The following BCAR3 variants were observed in gnomAD, a reference collection of about 807,000 sequenced individuals.
BCAR3 encodes the protein BCAR3 adaptor protein, NSP family member.
Under a neutral mutation model 80.1 loss-of-function variants are expected in BCAR3, and 37 were observed. The ratio of observed to expected loss-of-function variants is 0.46; its 90% CI spans 0.36 to 0.61. BCAR3 has a LOEUF of 0.61. Among genes scored for constraint, BCAR3 ranks in the 20% least tolerant of loss-of-function variants. The probability of loss-of-function intolerance (pLI) is 0.00; values close to 1 mark genes in which losing one functional copy is unlikely to be tolerated. For synonymous variants in BCAR3, 389 were observed against 418.9 expected (o/e 0.93, Z 0.87); for missense variants, 978 against 1,068.2 (o/e 0.92, Z 1.18).
chr1:93,725,773 T>G (rs1382829837), intron 2 of BCAR3, among the ~76,000 whole-genome samples: 1 of 152,222 alleles, frequency 6.6e-6, no homozygotes, highest in Non-Finnish European at 1.5e-5. Flanking sequence ...GAGTTGATAT[T>G]TGGGTAGAGG....
At position 93,571,739 on chromosome 1, in the gene BCAR3, C is replaced by T; in HGVS notation, c.1905G>A (p.Val635=). The T allele has an allele frequency of 6.2e-7, 1 of 1,614,096 alleles. No homozygotes were observed. Among genetic ancestry groups the T allele is most frequent in the Non-Finnish European group, 8.5e-7 (1 of 1,180,010 alleles). ...ATLSKIIQVA[V]ELKDSMGDLY... ...GGTCCCCCATGGAATCCTTCAGTTC[C>T]ACCGCCACCTGGATGATCTTACTCA... The change falls in exon 9 of 12, where the codon GTG becomes GTA. Residue 635 remains valine, a synonymous_variant. Coordinates refer to ENST00000260502, the MANE Select transcript of BCAR3 (RefSeq NM_003567.4).
At chr1:93,811,105 C>T (rs1653826156) in intron 2 of BCAR3, among the ~76,000 whole-genome samples, 1 of 152,210 alleles carries the variant, frequency 6.6e-6, no homozygotes, top group Admixed American at 6.5e-5. Flanking sequence ...GCAGGAAGTA[C>T]AGCTCGTGAG....
intron 2 of BCAR3, among the ~76,000 whole-genome samples, chr1:93,713,615 C>A (rs1650100212): frequency 6.6e-6 from 1 of 152,174 alleles, no homozygotes; most frequent in African/African-American, 2.4e-5. Flanking sequence ...TAAAAATGAC[C>A]TTTGGCCTGT....
At position 93,769,883 on chromosome 1, in the gene BCAR3, T is replaced by A. The variant is rs1383554415; in HGVS notation, c.-62-63741A>T. ...AGGATGCCCTTAGGAGACCCACTTG[T>A]GGGCCACCAGGAGAGTTACTTGATG... On this transcript the variant is annotated intron_variant, in intron 2 of 13. Coordinates refer to the BCAR3 transcript ENST00000370244. 2.0e-5 allele frequency among the ~76,000 whole-genome samples: 3 copies of A among 152,258 alleles called. No individual in the cohort carries two copies. The East Asian group carries it at 5.8e-4, about 29-fold the overall frequency.
At chr1:93,580,568 A>G (rs545087691) in intron 7 of BCAR3, among the ~76,000 whole-genome samples, 1 of 151,840 alleles carries the variant, frequency 6.6e-6, no homozygotes, top group African/African-American at 2.4e-5. Context: ...TTTCCTTGCC[A>G]TTATTCCCTA....
intron 3 of BCAR3, among the ~76,000 whole-genome samples, chr1:93,623,812 G>A (rs1232982266): frequency 6.6e-6 from 1 of 152,154 alleles, no homozygotes; most frequent in Non-Finnish European, 1.5e-5. Flanking sequence ...CTCTGTTGGA[G>A]ATTATGTGTA....
chr1:93,671,197 G>A (rs1648186542), intron 2 of BCAR3, among the ~76,000 whole-genome samples: 1 of 152,104 alleles, frequency 6.6e-6, no homozygotes, highest in South Asian at 2.1e-4. Flanking sequence ...GTTTCGTCAT[G>A]TTGGCCAGGA....
chr1:93,824,743 T>C (rs1571152878), intron 2 of BCAR3, among the ~76,000 whole-genome samples: 1 of 133,908 alleles, frequency 7.5e-6, no homozygotes, highest in African/African-American at 2.5e-5. Context: ...ATTCCTCAGA[T>C]GACATATTTT....
intron 3 of BCAR3, chr1:93,705,982 C>G (rs1358154788): frequency 6.6e-6 from 1 of 152,260 alleles, no homozygotes; most frequent in Non-Finnish European, 1.5e-5. Flanking sequence ...ACTCCAGGTA[C>G]TGCCCCAGAA....
At chr1:93,698,939 G>A (rs1384371294) in intron 3 of BCAR3, among the ~76,000 whole-genome samples, 2 of 152,216 alleles carry the variant, frequency 1.3e-5, no homozygotes, top group African/African-American at 4.8e-5. Flanking sequence ...CAACACAAGG[G>A]AATCGTGCCT....
At chr1:93,764,941 C>T (rs570429566) in intron 2 of BCAR3, among the ~76,000 whole-genome samples, 1 of 152,134 alleles carries the variant, frequency 6.6e-6, no homozygotes, top group Admixed American at 6.5e-5. Flanking sequence ...CACTGTAGCA[C>T]ACATGTTTGC....
chr1:93,596,565 AGGACTCTGGCCCTCT>A (rs146993941), intron 3 of BCAR3, among the ~76,000 whole-genome samples: 3,839 of 152,322 alleles, frequency 0.025, 163 homozygotes, highest in African/African-American at 0.086. Flanking sequence ...GTGTGAATGG[AGGACTCTGGCCCTCT>A]GGACTATATG....
chr1:93,722,635 T>C (rs1650443543), intron 2 of BCAR3, among the ~76,000 whole-genome samples: 1 of 152,156 alleles, frequency 6.6e-6, no homozygotes, highest in Admixed American at 6.5e-5. Flanking sequence ...TATTACTTTC[T>C]ATATCATAAA....
At chr1:93,697,342 C>A (rs888326942) in intron 3 of BCAR3, among the ~76,000 whole-genome samples, 1 of 152,208 alleles carries the variant, frequency 6.6e-6, no homozygotes, top group Admixed American at 6.5e-5. Flanking sequence ...GGAGGGAGGG[C>A]GTAGCCCACT....
chr1:93,678,704 G>A (rs1236003094), intron 1 of BCAR3, among the ~76,000 whole-genome samples: 4 of 152,154 alleles, frequency 2.6e-5, no homozygotes. Flanking sequence ...TGACTGTTGC[G>A]GGTGGAGAGC....
intron 2 of BCAR3, among the ~76,000 whole-genome samples, chr1:93,709,208 C>T (rs1463841235): frequency 2.0e-5 from 3 of 152,166 alleles, no homozygotes; most frequent in Non-Finnish European, 4.4e-5. Flanking sequence ...AGCAGAGCAG[C>T]GTGCTCATGA....
chr1:93,673,831 T>C (rs1378397496), intron 2 of BCAR3, among the ~76,000 whole-genome samples: 1 of 152,256 alleles, frequency 6.6e-6, no homozygotes, highest in Non-Finnish European at 1.5e-5. Context: ...TAAGGAGATA[T>C]GGGGTCTAAT....
intron 2 of BCAR3, among the ~76,000 whole-genome samples, chr1:93,730,803 A>C (rs762312589): frequency 3.3e-5 from 5 of 152,198 alleles, no homozygotes; most frequent in Non-Finnish European, 7.3e-5. Context: ...CGGAAGGTGG[A>C]GCTTACCTCC....
At chr1:93,785,135 C>T (rs1652894815) in intron 2 of BCAR3, among the ~76,000 whole-genome samples, 1 of 152,164 alleles carries the variant, frequency 6.6e-6, no homozygotes, top group South Asian at 2.1e-4. Context: ...GAAACAGCAA[C>T]CTGATGGTCT....
Sources: allele counts gnomAD v4.1 joint callset (sites outside exome capture counted in the v4.1 genomes callset), GRCh38; gene constraint gnomAD v4.1.1; transcripts MANE v1.5; gene names NCBI Gene and HGNC (gene_info 2026-07-23, HGNC 2026-07-21).